Variants in ZNF804B observed in about 807,000 individuals in gnomAD.
ZNF804B encodes zinc finger protein 804B.
In ZNF804B, 80 loss-of-function variants were observed where a neutral mutation model predicts 101.4. That is an observed-to-expected ratio of 0.79 (90% CI 0.66 to 0.95). The LOEUF (loss-of-function observed/expected upper bound fraction) is 0.95. Ranked by LOEUF, ZNF804B falls within the 40% of genes least tolerant of loss-of-function variation. The probability of loss-of-function intolerance (pLI) is 0.00; values close to 1 mark genes in which losing one functional copy is unlikely to be tolerated. For synonymous variants in ZNF804B, 622 were observed against 558.8 expected (o/e 1.11, Z -1.59); for missense variants, 1,673 against 1,561.9 (o/e 1.07, Z -1.20).
At chr7:88,993,530 A>G (rs1793878070) in intron 1 of ZNF804B, among the ~76,000 whole-genome samples, 1 of 152,042 alleles carries the variant, frequency 6.6e-6, no homozygotes, top group South Asian at 2.1e-4. Context: ...TCAATGACCC[A>G]AAAAGAATAG....
At chr7:88,935,391 A>T (rs915774949) in intron 1 of ZNF804B, among the ~76,000 whole-genome samples, 1 of 151,062 alleles carries the variant, frequency 6.6e-6, no homozygotes, top group Non-Finnish European at 1.5e-5. Context: ...AAAAAAGAAT[A>T]CACCTTTTCT....
chr7:88,860,838 G>T (rs971166585), intron 1 of ZNF804B, among the ~76,000 whole-genome samples: 8 of 152,092 alleles, frequency 5.3e-5, no homozygotes, highest in African/African-American at 1.9e-4. Flanking sequence ...TCTGTATTTG[G>T]CATCGTCAAA....
chr7:89,168,682 CTTTTTT>C (rs372503661), intron 1 of ZNF804B, among the ~76,000 whole-genome samples: 46 of 115,784 alleles, frequency 4.0e-4, no homozygotes, highest in African/African-American at 1.1e-3. Context: ...GAGCTGAATA[CTTTTTT>C]TTTTTTTTTT....
intron 1 of ZNF804B, among the ~76,000 whole-genome samples, chr7:88,846,933 TATAC>T (rs1562810387): frequency 1.7e-5 from 2 of 116,888 alleles, no homozygotes; most frequent in African/African-American, 1.0e-4. Context: ...TATAAATGTG[TATAC>T]ACACACACAC....
chr7:88,791,299 G>A (rs957043521), intron 1 of ZNF804B, among the ~76,000 whole-genome samples: 1 of 151,898 alleles, frequency 6.6e-6, no homozygotes, highest in Non-Finnish European at 1.5e-5. Flanking sequence ...ACTCCTATAC[G>A]GGGTAAATTT....
chr7:88,962,708 CAT>C (rs71120046), intron 1 of ZNF804B, among the ~76,000 whole-genome samples: 6,214 of 83,580 alleles, frequency 0.074, 163 homozygotes, highest in Non-Finnish European at 0.094. Context: ...GTTAAACTCA[CAT>C]ATATATATAT....
intron 1 of ZNF804B, among the ~76,000 whole-genome samples, chr7:88,974,220 T>G (rs1793580701): frequency 6.6e-6 from 1 of 151,074 alleles, no homozygotes; most frequent in African/African-American, 2.4e-5. Context: ...ATATGAAAAA[T>G]AGTAAACACA....
chr7:88,796,687 C>A (rs756428807), intron 1 of ZNF804B, among the ~76,000 whole-genome samples: 1 of 152,106 alleles, frequency 6.6e-6, no homozygotes, highest in Non-Finnish European at 1.5e-5. Flanking sequence ...TTAGGCTCTG[C>A]GCTCATGATG....
In ZNF804B at chr7:88,793,849, A is replaced by T. The variant is rs572478755; in HGVS notation, c.108+33765A>T. On this transcript the variant is annotated intron_variant, in intron 1 of 3. Coordinates refer to ENST00000333190, the MANE Select transcript of ZNF804B (RefSeq NM_181646.5). The stretch of plus-strand genomic sequence containing the variant: ...GTGACTGTTTATTAACTCTTGAGGG[A>T]TTGGATGATAATCTGAATTCCGTTT... Among the ~76,000 whole-genome samples the T allele has an allele frequency of 2.0e-5, 3 of 152,150 alleles. No homozygotes were observed. The South Asian group carries it at 6.2e-4, about 32-fold the overall frequency.
chr7:89,153,025 ATAT>A (rs1335227426), intron 1 of ZNF804B, among the ~76,000 whole-genome samples: 9 of 152,108 alleles, frequency 5.9e-5, no homozygotes, highest in Admixed American at 2.0e-4. Context: ...TTATAAAATA[ATAT>A]TATTATAAAC....
At chr7:89,169,540 G>A (rs141619238) in intron 1 of ZNF804B, among the ~76,000 whole-genome samples, 2 of 152,172 alleles carry the variant, frequency 1.3e-5, no homozygotes, top group African/African-American at 4.8e-5. Flanking sequence ...ATTCTTAGTC[G>A]GCCTAGGAAA....
chr7:89,010,623 A>G (rs1326432556), intron 1 of ZNF804B, among the ~76,000 whole-genome samples: 1 of 152,172 alleles, frequency 6.6e-6, no homozygotes, highest in Non-Finnish European at 1.5e-5. Context: ...CTACTCAGAA[A>G]GGCAAATCTT....
intron 1 of ZNF804B, among the ~76,000 whole-genome samples, chr7:88,921,851 T>C (rs1792724843): frequency 6.6e-6 from 1 of 152,088 alleles, no homozygotes; most frequent in African/African-American, 2.4e-5. Flanking sequence ...AAATCTCTAT[T>C]TTAATTGTAT....
At position 89,317,196 on chromosome 7, in the gene ZNF804B, T is replaced by G. The variant is rs73386671; in HGVS notation, c.250-10148T>G. 3.5e-3 allele frequency among the ~76,000 whole-genome samples: 539 copies of G among 152,262 alleles called. 5 individuals carry two copies. The highest frequency in any genetic ancestry group is 0.012 in the African/African-American group (517 of 41,566). On this transcript the variant is annotated intron_variant, in intron 2 of 3. Transcript: ENST00000333190. ...TAGCCACAGTGGGAGGGACAAGAAT[T>G]CTATTTGTATTCCAGAACTTGTACA...
At chr7:88,794,448 C>G (rs143068564) in intron 1 of ZNF804B, 5 of 1,613,890 alleles carry the variant, frequency 3.1e-6, no homozygotes, top group Non-Finnish European at 4.2e-6. Context: ...CCTTTAGGGA[C>G]TGTGACTGTG....
chr7:89,166,023 T>C (rs1017573625), intron 1 of ZNF804B, among the ~76,000 whole-genome samples: 5 of 152,190 alleles, frequency 3.3e-5, no homozygotes, highest in African/African-American at 1.2e-4. Flanking sequence ...GGCTATTTTC[T>C]GTTAAAGAAA....
At chr7:89,288,597 T>G (rs114613389) in intron 2 of ZNF804B, among the ~76,000 whole-genome samples, 162 of 152,292 alleles carry the variant, frequency 1.1e-3, no homozygotes, top group African/African-American at 3.6e-3. Context: ...AACACATCTT[T>G]AAAATGTTGA....
intron 1 of ZNF804B, among the ~76,000 whole-genome samples, chr7:89,026,407 G>T (rs1379156265): frequency 6.6e-6 from 1 of 152,090 alleles, no homozygotes; most frequent in Admixed American, 6.6e-5. Context: ...TACACACAGG[G>T]GGAAGAGCAC....
chr7:88,885,557 T>C (rs1046257623), intron 1 of ZNF804B, among the ~76,000 whole-genome samples: 3 of 151,030 alleles, frequency 2.0e-5, no homozygotes, highest in Non-Finnish European at 4.4e-5. Flanking sequence ...GTTTGGACCA[T>C]ATTAAATATG....
Sources: gnomAD v4.1 joint callset for allele counts (sites outside exome capture counted in the v4.1 genomes callset) on GRCh38, gnomAD v4.1.1 for gene constraint, MANE v1.5 for transcripts, NCBI Gene and HGNC (gene_info 2026-07-23, HGNC 2026-07-21) for gene names.